The following EIF4G3 variants were observed in gnomAD, a reference collection of about 807,000 sequenced individuals.
EIF4G3 encodes eukaryotic translation initiation factor 4 gamma 3.
Under a neutral mutation model 186.4 loss-of-function variants are expected in EIF4G3, and 34 were observed. The ratio of observed to expected loss-of-function variants is 0.18; its 90% confidence interval spans 0.14 to 0.24. The LOEUF (loss-of-function observed/expected upper bound fraction) is 0.24, where lower values mean the gene tolerates loss of function less well. Among genes scored for constraint, EIF4G3 ranks in the 10% least tolerant of loss-of-function variants. The pLI, the probability that EIF4G3 is intolerant of heterozygous loss-of-function variation, is 1.00. For synonymous variants in EIF4G3, 673 were observed against 679.5 expected (o/e 0.99, Z 0.15); for missense variants, 1,536 against 1,948.5 (o/e 0.79, Z 3.99).
intron 6 of EIF4G3, among the ~76,000 whole-genome samples, 196 bp from the exon 7 acceptor site, chr1:20,997,829 G>A (rs2082625175): frequency 6.6e-6 from 1 of 151,604 alleles, no homozygotes; most frequent in Non-Finnish European, 1.5e-5. Flanking sequence ...CAGGTTAACA[G>A]CACTATCAGA....
At chr1:20,954,297 G>GGA (rs1303272073) in intron 12 of EIF4G3, among the ~76,000 whole-genome samples, 1 of 151,976 alleles carries the variant, frequency 6.6e-6, no homozygotes, top group East Asian at 1.9e-4. Flanking sequence ...CAGCACTTTG[G>GGA]GAGGCCAAGG....
At chr1:20,887,642 G>A (rs1297332100) in intron 18 of EIF4G3, among the ~76,000 whole-genome samples, 1 of 118,768 alleles carries the variant, frequency 8.4e-6, no homozygotes. Context: ...CAGATTATTT[G>A]ATAAACATTA....
intron 2 of EIF4G3, among the ~76,000 whole-genome samples, chr1:21,157,009 G>A (rs892135758): frequency 6.6e-6 from 1 of 152,126 alleles, no homozygotes; most frequent in Non-Finnish European, 1.5e-5. Context: ...AGTGAGCCAT[G>A]ATCGTACCAC....
At chr1:20,851,033 A>G (rs1212676224) in intron 28 of EIF4G3, among the ~76,000 whole-genome samples, 1 of 152,202 alleles carries the variant, frequency 6.6e-6, no homozygotes, top group Non-Finnish European at 1.5e-5. Context: ...CCTCCTCACC[A>G]TAACATTTAA....
intron 4 of EIF4G3, among the ~76,000 whole-genome samples, chr1:21,017,865 T>C (rs1245973278): frequency 6.6e-6 from 1 of 152,008 alleles, no homozygotes; most frequent in Non-Finnish European, 1.5e-5. Flanking sequence ...GGACACTAGA[T>C]CTGTATTTAA....
At position 21,098,540 on chromosome 1, in the gene EIF4G3, GAAAAAAAAAA is replaced by G. The variant is rs59544256; in HGVS notation, c.-271-9337_-271-9328del. Among the ~76,000 whole-genome samples, 6 of 72,722 alleles carry G rather than the reference GAAAAAAAAAA, an allele frequency of 8.3e-5. No individual in the cohort carries two copies. In the East Asian group the frequency reaches 3.0e-3, roughly 36 times the overall value. 47.7% of individuals were successfully genotyped at this position (72,722 alleles called of 152,430 possible). On this transcript the variant is annotated intron_variant, in intron 2 of 36. Coordinates refer to ENST00000602326, the MANE Select transcript of EIF4G3 (RefSeq NM_001391906.1). ...GGCAACCAGAGCGAGGCCCTGTCTCGAAAAAAAAAAAAAAAAAAAAAAAGAAGAAGAAGAA... is the reference window on the plus strand; with the variant it reads ...GGCAACCAGAGCGAGGCCCTGTCTCGAAAAAAAAAAAAAGAAGAAGAAGAA...
intron 2 of EIF4G3, chr1:21,175,181 A>G: frequency 6.6e-6 from 1 of 152,316 alleles, no homozygotes; most frequent in Non-Finnish European, 1.5e-5. Flanking sequence ...GTGATGCATG[A>G]TGAAATGTTA....
rs187926009 is a variant in EIF4G3, at chr1:21,033,625, G to C, written c.-67+17241C>G. Among the ~76,000 whole-genome samples, 5 of 152,300 alleles carry C rather than the reference G, an allele frequency of 3.3e-5. No homozygotes were observed. The East Asian group carries it at 9.6e-4, about 29-fold the overall frequency. ...AAGATCTCACAATTAGTAAGTGATAGAACTGTGATTCACAGCCAGGTCTCT... is the reference window on the plus strand; with the variant it reads ...AAGATCTCACAATTAGTAAGTGATACAACTGTGATTCACAGCCAGGTCTCT... On this transcript the variant is annotated intron_variant, in intron 4 of 36. Transcript: ENST00000602326.
intron 2 of EIF4G3, among the ~76,000 whole-genome samples, chr1:21,104,887 A>T (rs1237714909): frequency 2.0e-5 from 3 of 152,238 alleles, no homozygotes; most frequent in Non-Finnish European, 2.9e-5. Context: ...CCATAAAAAA[A>T]AAATGAGATC....
intron 14 of EIF4G3, among the ~76,000 whole-genome samples, chr1:20,921,538 A>G (rs1488005460): frequency 1.3e-5 from 2 of 152,178 alleles, no homozygotes; most frequent in African/African-American, 2.4e-5. Context: ...CAGGATTGCA[A>G]TGTGAGACAT....
At chr1:20,814,124 A>G (rs2059866528) in intron 34 of EIF4G3, among the ~76,000 whole-genome samples, 1 of 151,370 alleles carries the variant, frequency 6.6e-6, no homozygotes, top group Non-Finnish European at 1.5e-5. Flanking sequence ...AGCTGGGACT[A>G]CTCAGCTAAT....
chr1:21,136,301 G>C (rs2097244620), intron 2 of EIF4G3, among the ~76,000 whole-genome samples: 1 of 151,936 alleles, frequency 6.6e-6, no homozygotes. Context: ...GGTGGATCAT[G>C]AGGTCAGTAG....
intron 20 of EIF4G3, among the ~76,000 whole-genome samples, chr1:20,867,113 T>C (rs1486961043): frequency 1.3e-5 from 2 of 152,186 alleles, no homozygotes; most frequent in Non-Finnish European, 2.9e-5. Flanking sequence ...ACTTGCTATA[T>C]AAACAAAGGC....
intron 2 of EIF4G3, among the ~76,000 whole-genome samples, chr1:21,117,830 A>C (rs1027965270): frequency 1.3e-5 from 2 of 151,668 alleles, no homozygotes; most frequent in Non-Finnish European, 2.9e-5. Flanking sequence ...GCCTGGCTAC[A>C]ATAAGGACGA....
At chr1:20,918,927 TGTG>T (rs2094211881) in intron 14 of EIF4G3, among the ~76,000 whole-genome samples, 1 of 152,136 alleles carries the variant, frequency 6.6e-6, no homozygotes, top group South Asian at 2.1e-4. Context: ...CACAAATAAA[TGTG>T]TGTTGGATTT....
intron 20 of EIF4G3, 76 bp from the exon 21 acceptor site, chr1:20,865,338 T>A: frequency 6.6e-7 from 1 of 1,513,358 alleles, no homozygotes; most frequent in Non-Finnish European, 9.0e-7. Flanking sequence ...TGCTTTATTG[T>A]ATGAAATAAT....
At chr1:20,864,097 C>T (rs1291471516) in intron 22 of EIF4G3, among the ~76,000 whole-genome samples, 1 of 152,178 alleles carries the variant, frequency 6.6e-6, no homozygotes, top group Non-Finnish European at 1.5e-5. Flanking sequence ...GGTTAGATGG[C>T]TGTGTCATCA....
intron 8 of EIF4G3, among the ~76,000 whole-genome samples, chr1:20,981,540 CAT>C (rs2078021617): frequency 1.5e-5 from 2 of 130,994 alleles, no homozygotes; most frequent in African/African-American, 6.9e-5. Flanking sequence ...TGTATACGCA[CAT>C]ACTGTATGTA....
intron 4 of EIF4G3, among the ~76,000 whole-genome samples, chr1:21,024,481 G>A (rs896892848): frequency 1.3e-5 from 2 of 150,200 alleles, no homozygotes; most frequent in Non-Finnish European, 3.0e-5. Flanking sequence ...TTGAGAAATC[G>A]GATGGTTGCC....
Sources: gnomAD v4.1 joint callset for allele counts (sites outside exome capture counted in the v4.1 genomes callset) on GRCh38, gnomAD v4.1.1 for gene constraint, MANE v1.5 for transcripts, NCBI Gene and HGNC (gene_info 2026-07-23, HGNC 2026-07-21) for gene names.